Variants in SEMA3D observed in about 807,000 individuals in gnomAD.
SEMA3D encodes semaphorin-3D.
In SEMA3D, 84 loss-of-function variants were observed where a neutral mutation model predicts 100.1. That is an observed-to-expected ratio of 0.84 (90% confidence interval 0.70 to 1.01). The LOEUF (loss-of-function observed/expected upper bound fraction) is 1.01. SEMA3D is among the 50% of genes least tolerant of loss of function. The pLI is 0.00. For synonymous variants in SEMA3D, 312 were observed against 320.7 expected (o/e 0.97, Z 0.29); for missense variants, 875 against 934.1 (o/e 0.94, Z 0.82).
chr7:85,107,827 C>T lies in SEMA3D; in HGVS notation c.152-9862G>A, dbSNP rs149703171. On this transcript the variant is annotated intron_variant, in intron 3 of 18. Coordinates refer to ENST00000284136, the MANE Select transcript of SEMA3D (RefSeq NM_001384900.1). Reference sequence around the variant, plus strand: ...TTTATCAAGCAAGTTTTCTATTCTCCGTTCTTGAATATATTTATTCCTACT... The same window carrying T: ...TTTATCAAGCAAGTTTTCTATTCTCTGTTCTTGAATATATTTATTCCTACT... 9.4e-4 allele frequency among the ~76,000 whole-genome samples: 143 copies of T among 152,014 alleles called. 1 individual carries two copies. Among genetic ancestry groups the T allele is most frequent in the African/African-American group, 3.3e-3 (136 of 41,484 alleles).
At chr7:85,150,527 T>A (rs1470535550) in intron 2 of SEMA3D, among the ~76,000 whole-genome samples, 2 of 146,798 alleles carry the variant, frequency 1.4e-5, no homozygotes, top group African/African-American at 5.0e-5. Context: ...GATATATATA[T>A]TATATATATA....
chr7:85,139,625 A>G (rs1789983822), intron 2 of SEMA3D, among the ~76,000 whole-genome samples: 1 of 152,062 alleles, frequency 6.6e-6, no homozygotes, highest in South Asian at 2.1e-4. Flanking sequence ...TTATTATAAC[A>G]TTTAATCTAA....
intron 17 of SEMA3D, among the ~76,000 whole-genome samples, chr7:85,012,178 ATCTC>A (rs1562782150): frequency 6.6e-6 from 1 of 151,660 alleles, no homozygotes; most frequent in Admixed American, 6.6e-5. Context: ...CCTTTTGGTG[ATCTC>A]TCTTTCACTA....
At chr7:85,042,054 C>T in intron 10 of SEMA3D, 117 bp downstream of exon 10, 1 of 766,974 alleles carries the variant, frequency 1.3e-6, no homozygotes, top group East Asian at 2.4e-5. Flanking sequence ...AGAACCACTC[C>T]TGTAAGGTTT....
At chr7:85,136,805 T>G (rs2116449710) in intron 2 of SEMA3D, among the ~76,000 whole-genome samples, 1 of 152,242 alleles carries the variant, frequency 6.6e-6, no homozygotes, top group Admixed American at 6.6e-5. Context: ...CCAGTTACTC[T>G]TTGATAAAGA....
At chr7:85,201,793 C>T in the SEMA3D span, among the ~76,000 whole-genome samples, 2 of 151,898 alleles carry the variant, frequency 1.3e-5, no homozygotes, top group African/African-American at 4.8e-5. Flanking sequence ...GTGATGCAAT[C>T]AGGGCTCACT....
upstream of SEMA3D, among the ~76,000 whole-genome samples, chr7:85,188,267 A>G (rs1216312736): frequency 6.6e-6 from 1 of 152,188 alleles, no homozygotes; most frequent in African/African-American, 2.4e-5. Context: ...CAGGTTTCTC[A>G]AATCTGACCA....
At chr7:85,237,979 G>A in the SEMA3D span, among the ~76,000 whole-genome samples, 1 of 152,132 alleles carries the variant, frequency 6.6e-6, no homozygotes, top group Non-Finnish European at 1.5e-5. Context: ...TGTGTAGTGG[G>A]ATACCAGTAC....
intron 9 of SEMA3D, among the ~76,000 whole-genome samples, chr7:85,045,319 C>T (rs1790977278): frequency 6.6e-6 from 1 of 151,826 alleles, no homozygotes; most frequent in African/African-American, 2.4e-5. Context: ...AGCTTTAATG[C>T]CAGGCCAAAG....
At chr7:85,185,817 C>T (rs1791526618) in intron 1 of SEMA3D, among the ~76,000 whole-genome samples, 1 of 152,214 alleles carries the variant, frequency 6.6e-6, no homozygotes, top group Non-Finnish European at 1.5e-5. Context: ...AACGCATTAA[C>T]TCCAGGCTCG....
the SEMA3D span, among the ~76,000 whole-genome samples, chr7:85,211,781 C>T: frequency 1.3e-5 from 2 of 151,940 alleles, no homozygotes; most frequent in African/African-American, 4.8e-5. Flanking sequence ...GAATGAAGAT[C>T]GTTGTGATGA....
intron 9 of SEMA3D, among the ~76,000 whole-genome samples, chr7:85,044,941 T>C (rs771276660): frequency 6.6e-6 from 1 of 151,984 alleles, no homozygotes; most frequent in Admixed American, 6.6e-5. Flanking sequence ...TAAATCCCTA[T>C]TGCTGTTGAA....
chr7:85,121,130 A>C, intron 3 of SEMA3D, among the ~76,000 whole-genome samples: 1 of 152,204 alleles, frequency 6.6e-6, no homozygotes, highest in East Asian at 1.9e-4. Flanking sequence ...AAAAAGGAAA[A>C]CTAAAGTAAA....
intron 1 of SEMA3D, among the ~76,000 whole-genome samples, chr7:85,162,262 G>A (rs1358671718): frequency 6.6e-6 from 1 of 152,072 alleles, no homozygotes; most frequent in Admixed American, 6.6e-5. Context: ...TCCTTCCACT[G>A]CACTGTATGT....
At chr7:85,143,816 G>C (rs912687277) in intron 2 of SEMA3D, among the ~76,000 whole-genome samples, 3 of 151,580 alleles carry the variant, frequency 2.0e-5, no homozygotes, top group Non-Finnish European at 2.9e-5. Context: ...CTGCCTCCTG[G>C]GTTCAAGCTT....
the SEMA3D span, among the ~76,000 whole-genome samples, chr7:85,209,522 C>T: frequency 6.6e-6 from 1 of 151,922 alleles, no homozygotes; most frequent in Non-Finnish European, 1.5e-5. Flanking sequence ...TGATTAGATG[C>T]TCTGTTTCTC....
At position 85,086,386 on chromosome 7, in the gene SEMA3D, C is replaced by G. The variant is rs189504064; in HGVS notation, c.313-4807G>C. Among the ~76,000 whole-genome samples the G allele has an allele frequency of 4.9e-3, 742 of 151,634 alleles. 8 individuals carry two copies. The highest frequency in any genetic ancestry group is 0.017 in the African/African-American group (713 of 41,358). On this transcript the variant is annotated intron_variant, in intron 4 of 18. Transcript: ENST00000284136. ...CTAATTGATAAAGAATTTAAAGAGACAGAATTTCCCTTAATTCAATCTAAA... is the reference window on the plus strand; with the variant it reads ...CTAATTGATAAAGAATTTAAAGAGAGAGAATTTCCCTTAATTCAATCTAAA...
chr7:85,036,603 A>G (rs1212782321), intron 12 of SEMA3D, among the ~76,000 whole-genome samples: 2 of 152,114 alleles, frequency 1.3e-5, no homozygotes, highest in Non-Finnish European at 2.9e-5. Flanking sequence ...GTCATTCTAG[A>G]TAACTAAATC....
chr7:85,249,734 T>C, the SEMA3D span, among the ~76,000 whole-genome samples: 1 of 152,152 alleles, frequency 6.6e-6, no homozygotes, highest in Non-Finnish European at 1.5e-5. Context: ...AAGACAAAAA[T>C]ATAATTTTCC....
Sources: allele counts gnomAD v4.1 joint callset (sites outside exome capture counted in the v4.1 genomes callset), GRCh38; gene constraint gnomAD v4.1.1; transcripts MANE v1.5; gene names NCBI Gene and HGNC (gene_info 2026-07-23, HGNC 2026-07-21).